SCN9A: variants seen among roughly 807,000 people sequenced by gnomAD.
SCN9A encodes the protein sodium voltage-gated channel alpha subunit 9, also known as sodium channel protein type 9 subunit alpha.
Under a neutral mutation model 187.0 loss-of-function variants are expected in SCN9A, and 131 were observed. The observed-to-expected ratio is 0.70, with a 90% CI of 0.61 to 0.81. The LOEUF (loss-of-function observed/expected upper bound fraction) is 0.81, where lower values mean the gene tolerates loss of function less well. Among genes scored for constraint, SCN9A ranks in the 30% least tolerant of loss-of-function variants. The pLI, the probability that SCN9A is intolerant of heterozygous loss-of-function variation, is 0.00. For synonymous variants in SCN9A, 809 were observed against 808.6 expected (o/e 1.00, Z -0.01); for missense variants, 2,252 against 2,396.6 (o/e 0.94, Z 1.26).
intron 24 of SCN9A, among the ~76,000 whole-genome samples, chr2:166,206,831 A>G (rs1162100949): frequency 6.6e-6 from 1 of 152,166 alleles, no homozygotes; most frequent in Non-Finnish European, 1.5e-5. Context: ...TTTAATTCTA[A>G]ATAAAGGATT....
Position 166,228,791 on chromosome 2 carries a change from T to G in SCN9A, c.4106A>C (p.Glu1369Ala). The change falls in exon 22 of 27, where the codon GAA (glutamate) becomes GCA (alanine). Residue 1369 changes from glutamate (E) to alanine (A), a missense_variant. Glu to Ala is a moderately radical substitution (Grantham distance 107, BLOSUM62 -1). Transcript: ENST00000642356. ...ACTAACATTCATAAGGGCAAAACAT[T>G]CGGAACGATTTGGAACTTGACTTGC... ...FPASQVPNRS[E>A]CFALMNVSQN... 1 of 1,613,948 alleles carries G rather than the reference T, an allele frequency of 6.2e-7. No individual in the cohort carries two copies. Among genetic ancestry groups the G allele is most frequent in the Non-Finnish European group, 8.5e-7 (1 of 1,179,854 alleles).
intron 19 of SCN9A, among the ~76,000 whole-genome samples, chr2:166,241,295 A>G (rs1352577803): frequency 1.3e-5 from 2 of 152,106 alleles, no homozygotes; most frequent in Non-Finnish European, 2.9e-5. Context: ...CGTCAGCAGG[A>G]AAAATGACAA....
At chr2:166,361,817 T>C (rs1700293562) in intron 1 of SCN9A, among the ~76,000 whole-genome samples, 1 of 151,974 alleles carries the variant, frequency 6.6e-6, no homozygotes, top group Admixed American at 6.6e-5. Context: ...TTTAAAAAAA[T>C]GAAAATGCTC....
At chr2:166,200,149 T>C (rs377721764) in intron 26 of SCN9A, among the ~76,000 whole-genome samples, 4,314 of 147,888 alleles carry the variant, frequency 0.029, 207 homozygotes, top group African/African-American at 0.1. Flanking sequence ...AGGCGCCCGC[T>C]ACCACGCCCG....
At chr2:166,217,592 C>T (rs1339186882) in intron 24 of SCN9A, among the ~76,000 whole-genome samples, 4 of 151,846 alleles carry the variant, frequency 2.6e-5, no homozygotes, top group Non-Finnish European at 5.9e-5. Context: ...ATATGAATGG[C>T]CAATAGATAT....
chr2:166,329,629 C>T (rs1449785873), intron 1 of SCN9A, among the ~76,000 whole-genome samples: 1 of 151,732 alleles, frequency 6.6e-6, no homozygotes, highest in East Asian at 1.9e-4. Context: ...GTGCCAGGTG[C>T]CTGGGACACA....
At chr2:166,218,527 CA>C (rs1181092535) in intron 24 of SCN9A, among the ~76,000 whole-genome samples, 1 of 151,980 alleles carries the variant, frequency 6.6e-6, no homozygotes, top group Non-Finnish European at 1.5e-5. Context: ...AAATCTTGAT[CA>C]AAGGATGTAC....
intron 1 of SCN9A, among the ~76,000 whole-genome samples, chr2:166,370,264 C>A (rs898759044): frequency 1.5e-5 from 2 of 132,106 alleles, no homozygotes; most frequent in Non-Finnish European, 3.2e-5. Flanking sequence ...AGATAATGGG[C>A]TGAGCGCGGT....
intron 25 of SCN9A, 21 bp downstream of exon 25, chr2:166,204,339 A>C: frequency 1.3e-6 from 2 of 1,577,554 alleles, no homozygotes; most frequent in Admixed American, 3.4e-5. Context: ...CTATATGCTA[A>C]AGATATATAT....
At chr2:166,298,806 G>GAA (rs931640231) in intron 7 of SCN9A, 1 of 152,170 alleles carries the variant, frequency 6.6e-6, no homozygotes, top group Non-Finnish European at 1.5e-5. Context: ...TGTTGGTGGA[G>GAA]AAACTCTCAC....
chr2:166,299,193 T>C (rs577113319), intron 7 of SCN9A, among the ~76,000 whole-genome samples: 3 of 143,642 alleles, frequency 2.1e-5, no homozygotes, highest in African/African-American at 3.0e-5. Context: ...AAAACATCCA[T>C]ACAAAAACCC....
chr2:166,308,798 T>C (rs1456091629), intron 2 of SCN9A, among the ~76,000 whole-genome samples: 1 of 151,430 alleles, frequency 6.6e-6, no homozygotes, highest in Non-Finnish European at 1.5e-5. Flanking sequence ...TGGTGGCGGG[T>C]ACCTGTAGTC....
At chr2:166,241,871 C>T (rs1274851717) in intron 19 of SCN9A, among the ~76,000 whole-genome samples, 1 of 152,088 alleles carries the variant, frequency 6.6e-6, no homozygotes, top group Non-Finnish European at 1.5e-5. Flanking sequence ...TAGTTCTTGT[C>T]CTACTCAACT....
Position 166,280,520 on chromosome 2 carries a change from G to C in SCN9A, c.2180C>G (p.Ser727Cys), listed in dbSNP as rs771083788. ...CTTTTTGAATTTTATCCAATATGGA[G>C]AGCAATTCCAGATCAAGAATTTGTG... ...FAHKFLIWNC[S>C]PYWIKFKKCI... is the part of the protein sequence containing the mutation. The change falls in exon 14 of 27, where the codon TCT becomes TGT. Residue 727 changes from serine (S) to cysteine (C), a missense_variant. Ser to Cys is a moderately radical substitution (Grantham distance 112, BLOSUM62 -1). Coordinates refer to ENST00000642356, the MANE Select transcript of SCN9A (RefSeq NM_001365536.1). 3 of 1,591,484 alleles carry C rather than the reference G, an allele frequency of 1.9e-6. No homozygotes were observed. Among genetic ancestry groups the C allele is most frequent in the South Asian group, 2.3e-5 (2 of 87,836 alleles).
At chr2:166,213,890 G>T (rs1398514815) in intron 24 of SCN9A, among the ~76,000 whole-genome samples, 3 of 152,018 alleles carry the variant, frequency 2.0e-5, no homozygotes, top group Admixed American at 1.3e-4. Context: ...TATCAAAATG[G>T]GTAGAAAAAG....
At chr2:166,262,557 C>T (rs1696553942) in intron 17 of SCN9A, among the ~76,000 whole-genome samples, 1 of 151,898 alleles carries the variant, frequency 6.6e-6, no homozygotes, top group Non-Finnish European at 1.5e-5. Flanking sequence ...GAAAATTTCA[C>T]CCTGAATTAC....
chr2:166,343,905 T>A (rs573077799), intron 1 of SCN9A, among the ~76,000 whole-genome samples: 1 of 152,334 alleles, frequency 6.6e-6, no homozygotes, highest in Admixed American at 6.5e-5. Context: ...TCATTTTATG[T>A]AGATGCTTTA....
chr2:166,321,215 A>T (rs544802212), intron 1 of SCN9A, among the ~76,000 whole-genome samples: 15 of 152,312 alleles, frequency 9.8e-5, no homozygotes, highest in African/African-American at 3.6e-4. Context: ...ATTGGAAAGG[A>T]TAAACATAAA....
At chr2:166,353,358 G>A (rs1325149007) in intron 1 of SCN9A, among the ~76,000 whole-genome samples, 1 of 152,014 alleles carries the variant, frequency 6.6e-6, no homozygotes, top group African/African-American at 2.4e-5. Flanking sequence ...TCTGCAATAG[G>A]AAATTTGATA....
Sources: gnomAD v4.1 joint callset for allele counts (sites outside exome capture counted in the v4.1 genomes callset) on GRCh38, gnomAD v4.1.1 for gene constraint, MANE v1.5 for transcripts, NCBI Gene and HGNC (gene_info 2026-07-23, HGNC 2026-07-21) for gene names.